KCNQ1: variants seen among roughly 807,000 people sequenced by gnomAD.
KCNQ1 encodes the protein potassium voltage-gated channel subfamily Q member 1.
KCNQ1 carries 49 observed loss-of-function variants against 72.4 expected under a neutral mutation model. The ratio of observed to expected loss-of-function variants is 0.68; its 90% CI spans 0.54 to 0.86. The LOEUF (loss-of-function observed/expected upper bound fraction) is 0.86. Among genes scored for constraint, KCNQ1 ranks in the 40% least tolerant of loss-of-function variants. KCNQ1 has a pLI of 0.00. For missense variants in KCNQ1, 790 were observed against 945.1 expected, an observed-to-expected ratio of 0.84 and a Z score of 2.15; for synonymous variants, 450 against 412.6, an observed-to-expected ratio of 1.09 and a Z score of -1.10.
At chr11:2,459,250 G>A (rs1268978979) in intron 1 of KCNQ1, among the ~76,000 whole-genome samples, 2 of 152,218 alleles carry the variant, frequency 1.3e-5, no homozygotes, top group Admixed American at 6.5e-5. Context: ...GCCCGGTGGT[G>A]TGAGGTTAGG....
rs900845162 is a variant in KCNQ1, at chr11:2,526,538, C to G, written c.387-1390C>G. On this transcript the variant is annotated intron_variant, in intron 1 of 15. Coordinates refer to ENST00000155840, the MANE Select transcript of KCNQ1 (RefSeq NM_000218.3). This position sits in a 1 kb window ranked among gnomAD's most constrained non-coding sequence, Gnocchi z 6.1. ...TACCAGAGGCCAGGAAAGGATTGTCCTGTCCACAGGAGCTTGGGGAAGGGG... is the reference window on the plus strand; with the variant it reads ...TACCAGAGGCCAGGAAAGGATTGTCGTGTCCACAGGAGCTTGGGGAAGGGG... Among the ~76,000 whole-genome samples the G allele has an allele frequency of 2.6e-5, 4 of 151,964 alleles. No individual in the cohort carries two copies. The highest frequency in any genetic ancestry group is 2.1e-4 in the South Asian group (1 of 4,814).
chr11:2,691,600 C>T lies in KCNQ1; in HGVS notation c.1514+29519C>T. The stretch of plus-strand genomic sequence containing the variant: ...GACGAGGCCTCCCTGAGGGAGTCAA[C>T]CTAGCTTGTTCCCTGCACGTACTGT... On this transcript the variant is annotated intron_variant, in intron 11 of 15. Coordinates refer to ENST00000155840, the MANE Select transcript of KCNQ1 (RefSeq NM_000218.3). The surrounding 1 kb of genome is among the most constrained non-coding windows in gnomAD (Gnocchi z 6.4). 2.5e-6 allele frequency: 1 copy of T among 398,570 alleles called. No individual in the cohort carries two copies. 24.7% of individuals were successfully genotyped at this position (398,570 alleles called of 1,614,324 possible).
At chr11:2,504,417 A>G (rs894977076) in intron 1 of KCNQ1, among the ~76,000 whole-genome samples, 2 of 152,228 alleles carry the variant, frequency 1.3e-5, no homozygotes, top group African/African-American at 4.8e-5. Context: ...ATTTGATAGC[A>G]CAACAGGGTG....
In KCNQ1 at chr11:2,704,729, C is replaced by A. The variant is rs573360751; in HGVS notation, c.1514+42648C>A. 2.2e-4 allele frequency among the ~76,000 whole-genome samples: 33 copies of A among 152,274 alleles called. No homozygotes were observed. Among genetic ancestry groups the A allele is most frequent in the African/African-American group, 7.7e-4 (32 of 41,548 alleles). On this transcript the variant is annotated intron_variant, in intron 11 of 15. Coordinates refer to ENST00000155840, the MANE Select transcript of KCNQ1 (RefSeq NM_000218.3). The surrounding 1 kb of genome is among the most constrained non-coding windows in gnomAD (Gnocchi z 4.3). ...AGCATCTGTGGAGGTGTGAGAAGTG[C>A]CAGGCTGGGCTCCCTCAGGCGGCAA...
intron 10 of KCNQ1, chr11:2,625,857 C>A: frequency 2.5e-6 from 1 of 398,674 alleles, no homozygotes; most frequent in Non-Finnish European, 4.4e-6. Flanking sequence ...GCGTGAGCCA[C>A]CGTGCCTGGC....
chr11:2,598,033 G>A lies in KCNQ1; in HGVS notation c.1393+9179G>A, dbSNP rs1291685470. Reference sequence around the variant, plus strand: ...ATTTTATTATCAGAAAACTATCTTTGTACTCTTTGTTATCTATTTCATTAA... The same window carrying A: ...ATTTTATTATCAGAAAACTATCTTTATACTCTTTGTTATCTATTTCATTAA... On this transcript the variant is annotated intron_variant, in intron 10 of 15. Transcript: ENST00000155840. This position sits in a 1 kb window ranked among gnomAD's most constrained non-coding sequence, Gnocchi z 6.2. 6.6e-6 allele frequency among the ~76,000 whole-genome samples: 1 copy of A among 151,794 alleles called. No homozygotes were observed. The highest frequency in any genetic ancestry group is 6.6e-5 in the Admixed American group (1 of 15,258).
Position 2,458,794 on chromosome 11 carries a change from T to C in KCNQ1, c.386+13310T>C, listed in dbSNP as rs925113013. 2.0e-5 allele frequency among the ~76,000 whole-genome samples: 3 copies of C among 152,102 alleles called. No individual in the cohort carries two copies. The highest frequency in any genetic ancestry group is 1.3e-4 in the Admixed American group (2 of 15,272). On this transcript the variant is annotated intron_variant, in intron 1 of 15. Transcript: ENST00000155840. The surrounding 1 kb of genome is among the most constrained non-coding windows in gnomAD (Gnocchi z 4.6). Reference sequence around the variant, plus strand: ...CAGGAGGCCACTTGCAGAATCCCAGTGGTGGGGGATGGCTCTGTAGGACAC... The same window carrying C: ...CAGGAGGCCACTTGCAGAATCCCAGCGGTGGGGGATGGCTCTGTAGGACAC...
intron 15 of KCNQ1, among the ~76,000 whole-genome samples, chr11:2,820,138 T>C (rs902789692): frequency 6.6e-6 from 1 of 152,232 alleles, no homozygotes; most frequent in African/African-American, 2.4e-5. Context: ...TGGTGTTCTT[T>C]TTCTAGCTTC....
intron 11 of KCNQ1, among the ~76,000 whole-genome samples, chr11:2,741,257 A>G (rs1846044775): frequency 6.6e-6 from 1 of 152,146 alleles, no homozygotes; most frequent in East Asian, 1.9e-4. Flanking sequence ...GTGAGAGGGC[A>G]GGTTTGACTT....
chr11:2,548,191 T>C (rs2133689026), intron 2 of KCNQ1, among the ~76,000 whole-genome samples: 1 of 152,116 alleles, frequency 6.6e-6, no homozygotes, highest in South Asian at 2.1e-4. Flanking sequence ...AGACCCGAGG[T>C]CCCAGGGTCA....
rs1846668113 is a variant in KCNQ1, at chr11:2,482,538, G to T, written c.386+37054G>T. Among the ~76,000 whole-genome samples the T allele has an allele frequency of 1.3e-5, 2 of 152,072 alleles. No homozygotes were observed. Among genetic ancestry groups the T allele is most frequent in the South Asian group, 2.1e-4 (1 of 4,822 alleles). On this transcript the variant is annotated intron_variant, in intron 1 of 15. Coordinates refer to ENST00000155840, the MANE Select transcript of KCNQ1 (RefSeq NM_000218.3). This position sits in a 1 kb window ranked among gnomAD's most constrained non-coding sequence, Gnocchi z 5.7. ...GCAGGAGAAGACTGACAGGATCAAA[G>T]GGTTCCTGCATTTTTATGGCTCTGA...
chr11:2,655,858 A>G, intron 10 of KCNQ1: 1 of 398,666 alleles, frequency 2.5e-6, no homozygotes, highest in Non-Finnish European at 4.4e-6. Context: ...AATTGGAAAA[A>G]CAAATCTGTG....
At chr11:2,522,619 T>C (rs536388522) in intron 1 of KCNQ1, among the ~76,000 whole-genome samples, 170 of 152,386 alleles carry the variant, frequency 1.1e-3, no homozygotes, top group African/African-American at 3.9e-3. Context: ...AGCTTTGTCA[T>C]ATAATTCCTT....
chr11:2,476,830 G>T (rs2133606008), intron 1 of KCNQ1, among the ~76,000 whole-genome samples: 1 of 152,258 alleles, frequency 6.6e-6, no homozygotes, highest in East Asian at 1.9e-4. Context: ...GGGTTTACGG[G>T]CATGTGCCAC....
At position 2,566,905 on chromosome 11, in the gene KCNQ1, G is replaced by T. The variant is rs1394025330; in HGVS notation, c.478-3723G>T. Among the ~76,000 whole-genome samples, 1 of 151,370 alleles carries T rather than the reference G, an allele frequency of 6.6e-6. No individual in the cohort carries two copies. The highest frequency in any genetic ancestry group is 2.4e-5 in the African/African-American group (1 of 41,140). ...GTACCCCGGTTCTGTACCTGTAGTG[G>T]ATGGGGCTCTCAGAGGGATTGGGGG... On this transcript the variant is annotated intron_variant, in intron 2 of 15. Coordinates refer to ENST00000155840, the MANE Select transcript of KCNQ1 (RefSeq NM_000218.3). This position sits in a 1 kb window ranked among gnomAD's most constrained non-coding sequence, Gnocchi z 6.7.
Position 2,772,869 on chromosome 11 carries a change from A to G in KCNQ1, c.1591-3091A>G, listed in dbSNP as rs1209572630. On this transcript the variant is annotated intron_variant, in intron 12 of 15. Coordinates refer to ENST00000155840, the MANE Select transcript of KCNQ1 (RefSeq NM_000218.3). The surrounding 1 kb of genome is among the most constrained non-coding windows in gnomAD (Gnocchi z 6.6). ...GCCCTGCCTCCCTTCACCTGCCCAC[A>G]CCGCACCCAGATGGCTGGAGGTGCC... Among the ~76,000 whole-genome samples the G allele has an allele frequency of 2.0e-5, 3 of 152,112 alleles. No individual in the cohort carries two copies. Among genetic ancestry groups the G allele is most frequent in the Non-Finnish European group, 4.4e-5 (3 of 68,014 alleles).
chr11:2,532,089 T>C (rs1374178820), intron 2 of KCNQ1, among the ~76,000 whole-genome samples: 2 of 152,142 alleles, frequency 1.3e-5, no homozygotes, highest in African/African-American at 4.8e-5. Flanking sequence ...GCACTCAGCC[T>C]CTTGTCAGGT....
chr11:2,666,061 G>A, intron 11 of KCNQ1: 1 of 398,648 alleles, frequency 2.5e-6, no homozygotes, highest in East Asian at 3.6e-5. Flanking sequence ...AAGAGGACAG[G>A]CCCATAAGCC....
intron 11 of KCNQ1, chr11:2,666,780 A>G (rs1038402549): frequency 9.3e-5 from 37 of 398,602 alleles, no homozygotes; most frequent in African/African-American, 5.8e-4. Context: ...GCTCCTCACC[A>G]TATTTCTCTC....
Sources: gnomAD v4.1 joint callset for allele counts (sites outside exome capture counted in the v4.1 genomes callset) on GRCh38, gnomAD v4.1.1 for gene constraint, Gnocchi (gnomAD v3.1) non-coding constraint, MANE v1.5 for transcripts, NCBI Gene and HGNC (gene_info 2026-07-23, HGNC 2026-07-21) for gene names.